The following ERICH2 variants were observed in gnomAD, a reference collection of about 807,000 sequenced individuals.
ERICH2 encodes glutamate-rich protein 2.
Under a neutral mutation model 17.4 loss-of-function variants are expected in ERICH2, and 17 were observed. The ratio of observed to expected loss-of-function variants is 0.98; its 90% CI spans 0.67 to 1.47. The LOEUF (loss-of-function observed/expected upper bound fraction) is 1.47, where lower values mean the gene tolerates loss of function less well. Ranked by LOEUF, ERICH2 falls within the 40% of genes most tolerant of loss-of-function variation. The pLI is 0.00. For missense variants in ERICH2, 186 were observed against 183.2 expected (o/e 1.01, Z -0.09); for synonymous variants, 51 against 61.1 (o/e 0.83, Z 0.77).
At chr2:170,777,322 C>T in the ERICH2 span, 3 of 695,552 alleles carry the variant, frequency 4.3e-6, no homozygotes, top group South Asian at 2.0e-4. Flanking sequence ...TAAATTATTT[C>T]AAATATCTCA....
At position 170,783,867 on chromosome 2, in the gene ERICH2, G is replaced by A; in HGVS notation, c.28+1G>A. On this transcript the variant is annotated splice_donor_variant, in intron 1 of 4. Transcript: ENST00000409885. LOFTEE classifies it high-confidence loss of function. ...GAGACTGTAAATGAACCAGAAACAG[G>A]TAGACAGATGGCCTGAATAACACAA... The A allele has an allele frequency of 7.7e-6, 12 of 1,550,548 alleles. No homozygotes were observed. The highest frequency in any genetic ancestry group is 2.0e-5 in the Admixed American group (1 of 51,008).
the ERICH2 span, chr2:170,777,753 C>A: frequency 1.0e-6 from 1 of 974,374 alleles, no homozygotes; most frequent in Non-Finnish European, 1.3e-6. Context: ...GATAATGCAG[C>A]CATTTGTCAC....
At chr2:170,788,427 A>AT (rs1396633037) in intron 2 of ERICH2, among the ~76,000 whole-genome samples, 1 of 152,058 alleles carries the variant, frequency 6.6e-6, no homozygotes, top group Non-Finnish European at 1.5e-5. Context: ...TGTGCATAAG[A>AT]TTTTTTGTTT....
intron 3 of ERICH2, among the ~76,000 whole-genome samples, chr2:170,796,390 T>C (rs959373661): frequency 2.0e-5 from 3 of 151,336 alleles, no homozygotes; most frequent in Non-Finnish European, 4.4e-5. Context: ...TGGGGTCTAA[T>C]TGAACAATCC....
chr2:170,792,746 GA>G, intron 2 of ERICH2, 116 bp from the exon 8 acceptor site: 1 of 631,930 alleles, frequency 1.6e-6, no homozygotes, highest in Non-Finnish European at 2.7e-6. Flanking sequence ...CTGACTCCTG[GA>G]AAAACATGTG....
the ERICH2 span, chr2:170,778,275 C>G: frequency 6.6e-6 from 1 of 152,028 alleles, no homozygotes; most frequent in South Asian, 2.1e-4. Flanking sequence ...TCATCTCCTA[C>G]TTTCTGAAAA....
intron 3 of ERICH2, 53 bp from the exon 9 acceptor site, chr2:170,797,988 C>T: frequency 7.9e-7 from 1 of 1,259,370 alleles, no homozygotes; most frequent in South Asian, 1.3e-5. Context: ...AGCCTGTTTG[C>T]TGCAACACTG....
At chr2:170,779,489 G>A (rs1419254760), upstream of ERICH2, among the ~76,000 whole-genome samples, 5 of 152,118 alleles carry the variant, frequency 3.3e-5, no homozygotes, top group East Asian at 7.7e-4. Context: ...ATCCTATGTG[G>A]GAAAGATTTT....
chr2:170,782,413 TTAAC>T (rs1442949338), upstream of ERICH2: 1 of 974,456 alleles, frequency 1.0e-6, no homozygotes, highest in East Asian at 1.1e-4. Context: ...TTTCATTGAA[TTAAC>T]TAACTATGGC....
chr2:170,798,164 C>A, intron 4 of ERICH2, 52 bp downstream of exon 9: 1 of 1,169,544 alleles, frequency 8.6e-7, no homozygotes, highest in Non-Finnish European at 1.2e-6. Context: ...TAAGCAGTCA[C>A]TTTAAAAACC....
At chr2:170,794,105 CTTTTTT>C (rs59152667) in intron 3 of ERICH2, among the ~76,000 whole-genome samples, 39 of 88,168 alleles carry the variant, frequency 4.4e-4, no homozygotes, top group African/African-American at 1.1e-3. Flanking sequence ...TCCTTTCTTT[CTTTTTT>C]TTTTTTTTTT....
At chr2:170,794,105 C>CTTTTTTTTTTTTTTTTTTTTTTTTT (rs59152667) in intron 3 of ERICH2, among the ~76,000 whole-genome samples, 2 of 88,170 alleles carry the variant, frequency 2.3e-5, no homozygotes, top group African/African-American at 4.3e-5. Flanking sequence ...TCCTTTCTTT[C>CTTTTTTTTTTTTTTTTTTTTTTTTT]TTTTTTTTTT....
chr2:170,784,601 A>T, intron 1 of ERICH2, 45 bp from the exon 7 acceptor site: 1 of 1,281,150 alleles, frequency 7.8e-7, no homozygotes, highest in Non-Finnish European at 1.0e-6. Flanking sequence ...TTAATTTGCG[A>T]ACTTTTCGAT....
chr2:170,775,270 TAA>T, the ERICH2 span, among the ~76,000 whole-genome samples: 2 of 137,256 alleles, frequency 1.5e-5, no homozygotes, highest in Admixed American at 7.4e-5. Flanking sequence ...TCTTCAAAAA[TAA>T]AAAAAAAAAA....
chr2:170,772,323 TAAC>T, the ERICH2 span, among the ~76,000 whole-genome samples: 3 of 152,206 alleles, frequency 2.0e-5, no homozygotes, highest in Non-Finnish European at 2.9e-5. Flanking sequence ...CTGTAAATAT[TAAC>T]AATAGTATAG....
intron 3 of ERICH2, among the ~76,000 whole-genome samples, chr2:170,796,652 G>C (rs561030650): frequency 6.6e-6 from 1 of 151,982 alleles, no homozygotes; most frequent in African/African-American, 2.4e-5. Flanking sequence ...GCGAAGGCTG[G>C]TCTTGAACTC....
the ERICH2 span, chr2:170,771,106 C>T: frequency 1.3e-5 from 2 of 154,210 alleles, no homozygotes; most frequent in Non-Finnish European, 1.5e-5. The surrounding 1 kb of genome is among the most constrained non-coding windows in gnomAD (Gnocchi z 4.8). Flanking sequence ...GACTCGGAGC[C>T]CCCAGCTCCG....
upstream of ERICH2, chr2:170,782,379 A>G: frequency 1.0e-6 from 1 of 984,124 alleles, no homozygotes; most frequent in Non-Finnish European, 1.2e-6. Flanking sequence ...CCTGCTTAAA[A>G]GAAAGCACAG....
chr2:170,786,960 C>T (rs1173082853), intron 2 of ERICH2, among the ~76,000 whole-genome samples: 1 of 152,110 alleles, frequency 6.6e-6, no homozygotes, highest in Non-Finnish European at 1.5e-5. Context: ...TTTGTTAATT[C>T]TAGGTCAGTT....
Sources: gnomAD v4.1 joint callset for allele counts (sites outside exome capture counted in the v4.1 genomes callset) on GRCh38, gnomAD v4.1.1 for gene constraint, Gnocchi (gnomAD v3.1) non-coding constraint, MANE v1.5 for transcripts, NCBI Gene and HGNC (gene_info 2026-07-23, HGNC 2026-07-21) for gene names.